The following POC1B variants were observed in gnomAD, a reference collection of about 807,000 sequenced individuals.
The protein encoded by POC1B is POC1 centriolar protein homolog B.
POC1B carries 44 observed loss-of-function variants against 60.6 expected under a neutral mutation model. The ratio of observed to expected loss-of-function variants is 0.73; its 90% CI spans 0.57 to 0.93. The LOEUF (loss-of-function observed/expected upper bound fraction) is 0.93. Ranked by LOEUF, POC1B falls within the 40% of genes least tolerant of loss-of-function variation. POC1B has a pLI of 0.00. For missense variants in POC1B, 555 were observed against 572.3 expected (o/e 0.97, Z 0.31); for synonymous variants, 180 against 198.9 (o/e 0.90, Z 0.80).
chr12:89,423,587 C>T (rs770375), intron 11 of POC1B, among the ~76,000 whole-genome samples: 51,375 of 152,072 alleles, frequency 0.34, 9,083 homozygotes, highest in Admixed American at 0.4. Context: ...AGTTCAGTAA[C>T]GATAAACACC....
intron 10 of POC1B, among the ~76,000 whole-genome samples, chr12:89,432,263 G>A (rs1486148101): frequency 2.0e-5 from 3 of 151,594 alleles, no homozygotes; most frequent in South Asian, 2.1e-4. Context: ...GCATGCACCC[G>A]TAGTCCCAGC....
At chr12:89,504,346 A>G (rs1465331151) in intron 2 of POC1B, among the ~76,000 whole-genome samples, 1 of 152,216 alleles carries the variant, frequency 6.6e-6, no homozygotes, top group Non-Finnish European at 1.5e-5. Context: ...GTGTCCACTC[A>G]GGGTTAAATG....
chr12:89,435,662 G>C (rs906469641), intron 10 of POC1B, among the ~76,000 whole-genome samples: 15 of 152,014 alleles, frequency 9.9e-5, no homozygotes, highest in African/African-American at 3.6e-4. Flanking sequence ...AACTCAGAAA[G>C]CAAAGATAAT....
At chr12:89,423,142 C>T (rs1432064544) in intron 11 of POC1B, among the ~76,000 whole-genome samples, 1 of 150,694 alleles carries the variant, frequency 6.6e-6, no homozygotes, top group African/African-American at 2.5e-5. Flanking sequence ...GTAGCTGTGA[C>T]CATAGGTGCG....
chr12:89,496,663 T>A (rs1196518607), intron 3 of POC1B, among the ~76,000 whole-genome samples: 1 of 152,230 alleles, frequency 6.6e-6, no homozygotes, highest in East Asian at 1.9e-4. Context: ...TTATAACGCA[T>A]ATGACCTTAC....
chr12:89,523,599 G>A (rs1053309722), intron 2 of POC1B: 1 of 1,563,536 alleles, frequency 6.4e-7, no homozygotes. Flanking sequence ...AATATTTCTT[G>A]CTGACAGCAA....
At chr12:89,523,163 G>A in intron 2 of POC1B, 2 of 1,613,668 alleles carry the variant, frequency 1.2e-6, no homozygotes, top group Non-Finnish European at 1.7e-6. Context: ...TTGTTGTCAG[G>A]AGAATTATAA....
At chr12:89,467,512 C>G in intron 8 of POC1B, 105 bp downstream of exon 8, 1 of 898,060 alleles carries the variant, frequency 1.1e-6, no homozygotes, top group Non-Finnish European at 1.7e-6. Flanking sequence ...AACTCATTGA[C>G]AAACATCTTA....
chr12:89,463,833 AC>A (rs1160072989), intron 9 of POC1B, among the ~76,000 whole-genome samples: 1 of 152,166 alleles, frequency 6.6e-6, no homozygotes, highest in Non-Finnish European at 1.5e-5. Context: ...AGTAATTTAT[AC>A]ATTTAGTCAG....
intron 4 of POC1B, among the ~76,000 whole-genome samples, chr12:89,476,755 T>TAGAC (rs780678611): frequency 2.3e-3 from 159 of 68,046 alleles, no homozygotes; most frequent in African/African-American, 6.7e-3. Context: ...GATAGATAGA[T>TAGAC]AGATAGACAG....
At chr12:89,524,264 G>C (rs1182574311) in intron 2 of POC1B, 8 of 1,613,894 alleles carry the variant, frequency 5.0e-6, no homozygotes, top group Non-Finnish European at 5.9e-6. Context: ...CTCTCAATGA[G>C]TTCTTCTTGC....
Position 89,466,921 on chromosome 12 carries a change from A to T in POC1B, c.881T>A (p.Val294Asp). Reference sequence around the variant, plus strand: ...ATCAAAGTTAGTCCTCCATAATAAGACCTATGAAAAAAGTCAATGATGTTG... The same window carrying T: ...ATCAAAGTTAGTCCTCCATAATAAGTCCTATGAAAAAAGTCAATGATGTTG... The part of the protein sequence containing the change: ...LFASGGADTQ[V>D]LLWRTNFDEL... The change falls in exon 9 of 12, where the codon GTC becomes GAC. Residue 294 changes from valine to aspartate, a missense_variant and splice_region_variant. Physicochemically the swap from Val to Asp is radical, Grantham distance 152. Transcript: ENST00000313546. 2 of 1,606,388 alleles carry T rather than the reference A, an allele frequency of 1.2e-6. No homozygotes were observed. Among genetic ancestry groups the T allele is most frequent in the South Asian group, 2.2e-5 (2 of 89,990 alleles).
At chr12:89,407,854 C>T in the POC1B span, among the ~76,000 whole-genome samples, 4 of 152,270 alleles carry the variant, frequency 2.6e-5, no homozygotes, top group East Asian at 1.9e-4. Context: ...ATGTGCAGAA[C>T]GTGCAGGTTT....
chr12:89,446,177 A>G (rs2120746341), intron 10 of POC1B, among the ~76,000 whole-genome samples: 1 of 152,332 alleles, frequency 6.6e-6, no homozygotes, highest in East Asian at 1.9e-4. Context: ...TAGTTCAACC[A>G]TTGTGGAAGA....
intron 9 of POC1B, among the ~76,000 whole-genome samples, chr12:89,465,287 A>C (rs1260037605): frequency 6.6e-6 from 1 of 152,196 alleles, no homozygotes; most frequent in Non-Finnish European, 1.5e-5. Context: ...ACAGTAAATC[A>C]GAGAAAAAAT....
At chr12:89,462,366 T>G (rs1200492087) in intron 9 of POC1B, among the ~76,000 whole-genome samples, 1 of 152,112 alleles carries the variant, frequency 6.6e-6, no homozygotes, top group Non-Finnish European at 1.5e-5. Flanking sequence ...GAGGCCAAGT[T>G]CTCCATGGCT....
chr12:89,450,947 G>A (rs1482613617), intron 10 of POC1B, among the ~76,000 whole-genome samples: 3 of 152,160 alleles, frequency 2.0e-5, no homozygotes, highest in Non-Finnish European at 4.4e-5. Context: ...TTCTAAGTCT[G>A]TAAATGCTAA....
chr12:89,444,456 C>A (rs1445152152), intron 10 of POC1B, among the ~76,000 whole-genome samples: 1 of 152,150 alleles, frequency 6.6e-6, no homozygotes, highest in East Asian at 1.9e-4. Flanking sequence ...TCAACATATG[C>A]AAATCAATAA....
At chr12:89,436,937 C>T (rs189033080) in intron 10 of POC1B, among the ~76,000 whole-genome samples, 1 of 152,278 alleles carries the variant, frequency 6.6e-6, no homozygotes, top group East Asian at 1.9e-4. Context: ...ATGCTCCACA[C>T]CCAACTCCTG....
Sources: gnomAD v4.1 joint callset for allele counts (sites outside exome capture counted in the v4.1 genomes callset) on GRCh38, gnomAD v4.1.1 for gene constraint, MANE v1.5 for transcripts, NCBI Gene and HGNC (gene_info 2026-07-23, HGNC 2026-07-21) for gene names.